TRAPPC8: variants seen among roughly 807,000 people sequenced by gnomAD.
TRAPPC8 encodes trafficking protein particle complex subunit 8, also known as general sporulation gene 1 homolog.
In TRAPPC8, 54 loss-of-function variants were observed where a neutral mutation model predicts 174.3. The ratio of observed to expected loss-of-function variants is 0.31; its 90% CI spans 0.25 to 0.39. The LOEUF is 0.39. Ranked by LOEUF, TRAPPC8 falls within the 10% of genes least tolerant of loss-of-function variation. The probability of loss-of-function intolerance (pLI) is 1.00; values close to 1 mark genes in which losing one functional copy is unlikely to be tolerated. For synonymous variants in TRAPPC8, 630 were observed against 579.9 expected, an observed-to-expected ratio of 1.09 and a Z score of -1.24; for missense variants, 1,531 against 1,699.1, an observed-to-expected ratio of 0.90 and a Z score of 1.74.
chr18:31,862,772 G>A (rs1406317762), intron 19 of TRAPPC8, among the ~76,000 whole-genome samples: 1 of 152,080 alleles, frequency 6.6e-6, no homozygotes, highest in Non-Finnish European at 1.5e-5. Context: ...CCAGTAAGAA[G>A]AAAGGAAATA....
chr18:31,926,083 C>T (rs1011578656), intron 2 of TRAPPC8, among the ~76,000 whole-genome samples: 3 of 152,028 alleles, frequency 2.0e-5, no homozygotes, highest in African/African-American at 4.8e-5. Flanking sequence ...GCAACCAGTC[C>T]GACATAAAAT....
intron 19 of TRAPPC8, among the ~76,000 whole-genome samples, chr18:31,861,389 T>A (rs780047494): frequency 6.6e-6 from 1 of 152,022 alleles, no homozygotes; most frequent in Non-Finnish European, 1.5e-5. Context: ...AAAAACCAGA[T>A]GAATGTAAAT....
rs780708658 is a variant in TRAPPC8 at position 31,830,816 on chromosome 18, G to A, written c.4247C>T (p.Thr1416Ile). The A allele has an allele frequency of 1.9e-6, 3 of 1,614,192 alleles. No homozygotes were observed. The change falls in exon 29 of 29, where the codon ACA becomes ATA. Residue 1416 changes from threonine to isoleucine, a missense_variant. Coordinates refer to ENST00000283351, the MANE Select transcript of TRAPPC8 (RefSeq NM_014939.5). ...ATTCTGCTGACTTGTTTCAAACACT[G>A]TAACTTGGTCCGATAACTTGGCAAA... ...RVFAKLSDQV[T>I]VFETSQQNSM...
intron 2 of TRAPPC8, among the ~76,000 whole-genome samples, chr18:31,920,025 C>T (rs192972431): frequency 2.0e-5 from 3 of 152,202 alleles, no homozygotes; most frequent in Admixed American, 2.0e-4. Context: ...CCAACTCAGT[C>T]AAAGTAAGTC....
In TRAPPC8 at chr18:31,943,091, T is replaced by G. The variant is rs1339792249; in HGVS notation, c.-327A>C. ...GGTCACTGCCCGGCCGGAACCGCCA[T>G]GTTGAGGCCGAACCCTGACCAACCG... On this transcript the variant is annotated 5_prime_UTR_variant, in exon 1 of 29. The change abolishes an upstream ATG in the 5' untranslated region. Transcript: ENST00000283351. The G allele has an allele frequency of 2.4e-6, 1 of 419,018 alleles. No individual in the cohort carries two copies. The highest frequency in any genetic ancestry group is 4.1e-6 in the Non-Finnish European group (1 of 243,952). The allele number at this position is 419,018 out of a possible 1,614,324, so 26.0% of individuals were successfully genotyped here.
intron 1 of TRAPPC8, among the ~76,000 whole-genome samples, chr18:31,934,144 C>G (rs145245108): frequency 0.011 from 1,611 of 151,318 alleles, 13 homozygotes; most frequent in Non-Finnish European, 0.015. Context: ...GCCAAGATTG[C>G]GCCACTGCAC....
intron 26 of TRAPPC8, among the ~76,000 whole-genome samples, chr18:31,846,143 T>A (rs111343328): frequency 6.6e-6 from 1 of 152,214 alleles, no homozygotes; most frequent in African/African-American, 2.4e-5. Flanking sequence ...ATGGAATGTA[T>A]GTGAGGAAAC....
rs533322036 is a variant in TRAPPC8 at position 31,902,585 on chromosome 18, AAC to A, written c.1390-1562_1390-1561del. Among the ~76,000 whole-genome samples, 11 of 152,258 alleles carry A rather than the reference AAC, an allele frequency of 7.2e-5. No individual in the cohort carries two copies. In the South Asian group the frequency reaches 2.1e-3, roughly 29 times the overall value. ...ATGGGCCTCTGATATGCTGAGATGT[AAC>A]ACAGTTTTGGTTGTGGTATCATCTG... On this transcript the variant is annotated intron_variant, in intron 9 of 28. Transcript: ENST00000283351.
At chr18:31,936,025 C>T (rs1042554780) in intron 1 of TRAPPC8, among the ~76,000 whole-genome samples, 11 of 151,966 alleles carry the variant, frequency 7.2e-5, no homozygotes, top group African/African-American at 2.4e-4. Context: ...GCGTGAGCCA[C>T]CACACCTGGC....
intron 2 of TRAPPC8, among the ~76,000 whole-genome samples, chr18:31,930,942 C>T (rs2037819651): frequency 6.6e-6 from 1 of 152,088 alleles, no homozygotes; most frequent in Non-Finnish European, 1.5e-5. Flanking sequence ...AAAACATTTA[C>T]CATTCAAGTT....
chr18:31,887,450 G>A (rs111408523), intron 12 of TRAPPC8, among the ~76,000 whole-genome samples: 4,418 of 152,170 alleles, frequency 0.029, 236 homozygotes, highest in African/African-American at 0.1. Flanking sequence ...TTCAAGACCA[G>A]CCTGGCCAAC....
chr18:31,841,742 T>C (rs1422190085), intron 26 of TRAPPC8, among the ~76,000 whole-genome samples: 1 of 152,196 alleles, frequency 6.6e-6, no homozygotes, highest in African/African-American at 2.4e-5. Flanking sequence ...AGGGTTGTAA[T>C]TTTAAGTACT....
At chr18:31,856,721 T>C (rs2034033492) in intron 20 of TRAPPC8, among the ~76,000 whole-genome samples, 3 of 152,150 alleles carry the variant, frequency 2.0e-5, no homozygotes, top group East Asian at 3.9e-4. Flanking sequence ...TGTAAATCTT[T>C]ACAAATAAAA....
At chr18:31,871,249 T>C in intron 14 of TRAPPC8, 129 bp from the exon 15 acceptor site, 1 of 447,094 alleles carries the variant, frequency 2.2e-6, no homozygotes, top group Non-Finnish European at 3.7e-6. Context: ...TTTCTAATTC[T>C]GAGTGAAAAA....
chr18:31,916,328 T>C lies in TRAPPC8; in HGVS notation c.561A>G (p.Pro187=), dbSNP rs555239522. 12 of 1,612,498 alleles carry C rather than the reference T, an allele frequency of 7.4e-6. 1 individual carries two copies. The South Asian group carries it at 1.3e-4, about 18-fold the overall frequency. ...AAAGTACATAGTATTTAAGTGTATT[T>C]GGTATAAACCACTTGGGGTAGGAAT... ...SDYSYPKWFI[P]NTLKYYVLLH... is the part of the protein sequence containing the mutation. The change falls in exon 4 of 29, where the codon CCA becomes CCG. Residue 187 remains proline, a synonymous_variant. Transcript: ENST00000283351.
intron 5 of TRAPPC8, among the ~76,000 whole-genome samples, chr18:31,910,401 C>T (rs570035316): frequency 5.3e-5 from 8 of 152,070 alleles, no homozygotes; most frequent in Admixed American, 4.6e-4. Flanking sequence ...AGAAAGTGAC[C>T]AGGACAAGAA....
chr18:31,936,036 A>T (rs1305732641), intron 1 of TRAPPC8, among the ~76,000 whole-genome samples: 13 of 151,396 alleles, frequency 8.6e-5, no homozygotes, highest in Admixed American at 8.6e-4. Flanking sequence ...CACACCTGGC[A>T]CAAGACCCCA....
In TRAPPC8 at chr18:31,936,820, T is replaced by C. The variant is rs576750195; in HGVS notation, c.158-5297A>G. Among the ~76,000 whole-genome samples the C allele has an allele frequency of 4.1e-5, 6 of 147,724 alleles. No homozygotes were observed. In the South Asian group the frequency reaches 1.3e-3, roughly 31 times the overall value. On this transcript the variant is annotated intron_variant, in intron 1 of 28. Transcript: ENST00000283351. ...AGGAGGCTGAGGCAGGAGAATTGCT[T>C]GAACCTGGGAGGCGGAGGTTGCAGT...
chr18:31,887,610 C>A (rs1364326433), intron 12 of TRAPPC8, among the ~76,000 whole-genome samples: 4 of 149,400 alleles, frequency 2.7e-5, no homozygotes, highest in African/African-American at 9.9e-5. Flanking sequence ...CACGCCATTG[C>A]ACTCCAGCCT....
Sources: gnomAD v4.1 joint callset for allele counts (sites outside exome capture counted in the v4.1 genomes callset) on GRCh38, gnomAD v4.1.1 for gene constraint, MANE v1.5 for transcripts, NCBI Gene and HGNC (gene_info 2026-07-23, HGNC 2026-07-21) for gene names.